IKBKB: variants seen among roughly 807,000 people sequenced by gnomAD.
IKBKB encodes inhibitor of nuclear factor kappa-B kinase subunit beta.
In IKBKB, 42 loss-of-function variants were observed where a neutral mutation model predicts 113.6. That is an observed-to-expected ratio of 0.37 (90% CI 0.29 to 0.48). The LOEUF is 0.48. Ranked by LOEUF, IKBKB falls within the 20% of genes least tolerant of loss-of-function variation. The probability of loss-of-function intolerance (pLI) is 0.99; values close to 1 mark genes in which losing one functional copy is unlikely to be tolerated. For missense variants in IKBKB, 673 were observed against 939.7 expected (o/e 0.72, Z 3.71); for synonymous variants, 296 against 361.3 (o/e 0.82, Z 2.05).
At chr8:42,312,958 T>C (rs1208463663) in intron 8 of IKBKB, among the ~76,000 whole-genome samples, 2 of 152,244 alleles carry the variant, frequency 1.3e-5, no homozygotes, top group Non-Finnish European at 2.9e-5. Flanking sequence ...ATTCTGCTAC[T>C]CTGTTGTGTG....
At chr8:42,290,307 G>T in intron 4 of IKBKB, 34 bp downstream of exon 4, 1 of 1,441,204 alleles carries the variant, frequency 6.9e-7, no homozygotes, top group Non-Finnish European at 9.8e-7. Flanking sequence ...TGCACAGCCT[G>T]TCTGGGCAGG....
intron 2 of IKBKB, among the ~76,000 whole-genome samples, chr8:42,288,199 C>T (rs1007041380): frequency 6.6e-6 from 1 of 151,914 alleles, no homozygotes; most frequent in East Asian, 1.9e-4. Flanking sequence ...CTAGCCTCAC[C>T]AACATGGTGA....
At chr8:42,307,729 C>T (rs569202613) in intron 7 of IKBKB, among the ~76,000 whole-genome samples, 26 of 152,234 alleles carry the variant, frequency 1.7e-4, no homozygotes, top group African/African-American at 6.3e-4. Context: ...CAGCAGCAGT[C>T]GAGCAAGGGG....
At chr8:42,321,984 T>C in intron 17 of IKBKB, 39 bp downstream of exon 17, 1 of 1,609,926 alleles carries the variant, frequency 6.2e-7, no homozygotes, top group Non-Finnish European at 8.5e-7. Flanking sequence ...CTTCTCCTTA[T>C]CTCATTTATG....
At chr8:42,301,784 G>A (rs954253338) in intron 5 of IKBKB, among the ~76,000 whole-genome samples, 1 of 152,138 alleles carries the variant, frequency 6.6e-6, no homozygotes, top group African/African-American at 2.4e-5. Flanking sequence ...AATCCACGTG[G>A]CGTAGAGAGC....
chr8:42,295,028 TA>T (rs1813434830), intron 5 of IKBKB, among the ~76,000 whole-genome samples: 2 of 151,586 alleles, frequency 1.3e-5, no homozygotes, highest in South Asian at 4.1e-4. Context: ...GTCAAGTTAT[TA>T]TTTTTTTTTT....
intron 2 of IKBKB, among the ~76,000 whole-genome samples, chr8:42,284,542 ACTGCACTCC>A (rs201466169): frequency 0.029 from 4,444 of 151,538 alleles, 85 homozygotes; most frequent in Non-Finnish European, 0.042. Context: ...AGGTCGTGCC[ACTGCACTCC>A]AGCCTGGGCA....
chr8:42,298,633 T>C (rs1178854550), intron 5 of IKBKB: 2 of 279,044 alleles, frequency 7.2e-6, no homozygotes, highest in Non-Finnish European at 1.1e-5. Flanking sequence ...ACAGTAACAA[T>C]GAGAGAGAAG....
chr8:42,319,656 T>G lies in IKBKB; in HGVS notation c.1578+10T>G, dbSNP rs200300052. 7.0e-6 allele frequency: 11 copies of G among 1,576,898 alleles called. No individual in the cohort carries two copies. The highest frequency in any genetic ancestry group is 9.4e-6 in the Non-Finnish European group (11 of 1,167,568). On this transcript the variant is annotated intron_variant, in intron 15 of 21. Transcript: ENST00000520810. Reference sequence around the variant, plus strand: ...GGAGCTCTGTGGGCGGGTAGGAGACTCATTTTGGGTTTCGGAACTTACCAA... The same window carrying G: ...GGAGCTCTGTGGGCGGGTAGGAGACGCATTTTGGGTTTCGGAACTTACCAA...
At chr8:42,317,830 C>T in intron 12 of IKBKB, 59 bp downstream of exon 12, 1 of 1,262,816 alleles carries the variant, frequency 7.9e-7, no homozygotes, top group Non-Finnish European at 1.2e-6. Context: ...TGGGACAAGG[C>T]AGGGAAGGGA....
chr8:42,322,659 G>T (rs1002817609), intron 19 of IKBKB, among the ~76,000 whole-genome samples, 165 bp downstream of exon 19: 1 of 152,216 alleles, frequency 6.6e-6, no homozygotes, highest in Non-Finnish European at 1.5e-5. Flanking sequence ...TGTAAGCGGG[G>T]AGGTCAGAGG....
chr8:42,305,515 A>G lies in IKBKB; in HGVS notation c.477+240A>G, dbSNP rs2294095. 8.2e-4 allele frequency among the ~76,000 whole-genome samples: 125 copies of G among 152,328 alleles called. No homozygotes were observed. The East Asian group carries it at 0.02, about 24-fold the overall frequency. The stretch of plus-strand genomic sequence containing the variant: ...GTTGCAGGAATCTGATAAGGAAAAT[A>G]ATGTTTGCCTTCCTACCTCCACCCC... On this transcript the variant is annotated intron_variant, in intron 6 of 21. Coordinates refer to ENST00000520810, the MANE Select transcript of IKBKB (RefSeq NM_001556.3).
At chr8:42,272,265 C>G in intron 2 of IKBKB, 60 bp downstream of exon 2, 1 of 1,610,688 alleles carries the variant, frequency 6.2e-7, no homozygotes, top group Non-Finnish European at 8.5e-7. Context: ...TCACTGCCTC[C>G]ACTTTCTCTG....
chr8:42,300,212 GT>G (rs937380998), intron 5 of IKBKB, among the ~76,000 whole-genome samples: 3 of 151,920 alleles, frequency 2.0e-5, no homozygotes, highest in Admixed American at 6.6e-5. Context: ...CTTCAAGTCT[GT>G]TTTTTTTGGG....
At chr8:42,274,047 C>T (rs188567449) in intron 2 of IKBKB, among the ~76,000 whole-genome samples, 332 of 150,528 alleles carry the variant, frequency 2.2e-3, no homozygotes, top group Non-Finnish European at 1.6e-3. Context: ...TTTTTTTTTC[C>T]GGAGACAGAG....
chr8:42,306,152 CCTTTT>C (rs1816485218), intron 6 of IKBKB, among the ~76,000 whole-genome samples, 186 bp from the exon 7 acceptor site: 1 of 152,274 alleles, frequency 6.6e-6, no homozygotes. Flanking sequence ...TTACAATATG[CCTTTT>C]CTTTTAGCCC....
chr8:42,324,633 G>A (rs75970072), intron 19 of IKBKB: 2,283 of 152,484 alleles, frequency 0.015, 89 homozygotes, highest in South Asian at 0.15. Flanking sequence ...AGGAACTTGA[G>A]TGTAGGGATA....
At position 42,328,174 on chromosome 8, in the gene IKBKB, C is replaced by T. The variant is rs552140637; in HGVS notation, c.2115-950C>T. On this transcript the variant is annotated intron_variant, in intron 20 of 21. Transcript: ENST00000520810. ...GTTGGTCAGGCTGATCTCGAACTCC[C>T]GACCTTGGGTGATCCGCCCGCCTTG... 2.1e-3 allele frequency among the ~76,000 whole-genome samples: 320 copies of T among 151,096 alleles called. 1 individual carries two copies. Among genetic ancestry groups the T allele is most frequent in the African/African-American group, 7.5e-3 (308 of 41,146 alleles).
Position 42,318,550 on chromosome 8 carries a change from A to C in IKBKB, c.1241-2A>C. On this transcript the variant is annotated splice_acceptor_variant, in intron 12 of 21. Coordinates refer to ENST00000520810, the MANE Select transcript of IKBKB (RefSeq NM_001556.3). LOFTEE classifies it high-confidence loss of function. ...GACAATTGCTTGTGTCTCTGTCTCC[A>C]GTTCAAGAGCCCAAGAGGAATCTCG... 3 of 1,612,942 alleles carry C rather than the reference A, an allele frequency of 1.9e-6. No homozygotes were observed. Among genetic ancestry groups the C allele is most frequent in the Non-Finnish European group, 2.5e-6 (3 of 1,179,168 alleles).
Sources: allele counts gnomAD v4.1 joint callset (sites outside exome capture counted in the v4.1 genomes callset), GRCh38; gene constraint gnomAD v4.1.1; transcripts MANE v1.5; gene names NCBI Gene and HGNC (gene_info 2026-07-23, HGNC 2026-07-21).